Variants in HSD11B1 observed in about 807,000 individuals in gnomAD.
HSD11B1 encodes the protein 11-beta-hydroxysteroid dehydrogenase 1.
In HSD11B1, 15 loss-of-function variants were observed where a neutral mutation model predicts 22.1. The observed-to-expected ratio is 0.68, with a 90% CI of 0.45 to 1.04. The LOEUF (loss-of-function observed/expected upper bound fraction) is 1.04. HSD11B1 is among the 50% of genes least tolerant of loss of function. The pLI is 0.00. For missense variants in HSD11B1, 281 were observed against 357.6 expected (o/e 0.79, Z 1.73); for synonymous variants, 122 against 125.2 (o/e 0.97, Z 0.17).
chr1:209,686,448 G>GA (rs1389461531), intron 1 of HSD11B1, among the ~76,000 whole-genome samples: 1 of 152,036 alleles, frequency 6.6e-6, no homozygotes, highest in African/African-American at 2.4e-5. Flanking sequence ...ATGCTGGTCA[G>GA]AAAAAACAAG....
intron 4 of HSD11B1, 47 bp from the exon 5 acceptor site, chr1:209,732,389 G>C (rs932335): frequency 0.21 from 331,466 of 1,609,338 alleles, 35,158 homozygotes; most frequent in Non-Finnish European, 0.21. Context: ...CTGTAAGAAG[G>C]TGAAATGGGC....
At chr1:209,688,310 C>G (rs896076642) in intron 1 of HSD11B1, among the ~76,000 whole-genome samples, 9 of 152,192 alleles carry the variant, frequency 5.9e-5, no homozygotes, top group Admixed American at 5.9e-4. Context: ...CCAGGACCAC[C>G]TCCCAGAGCC....
intron 1 of HSD11B1, among the ~76,000 whole-genome samples, chr1:209,687,860 A>G (rs971357022): frequency 2.6e-5 from 4 of 152,236 alleles, no homozygotes; most frequent in Non-Finnish European, 4.4e-5. Context: ...TCTGTTTTAT[A>G]ACTGTTAGGA....
chr1:209,706,713 T>C lies in HSD11B1; in HGVS notation c.224T>C (p.Val75Ala). ...ARSKETLQKV[V>A]SHCLELGAAS... ...ATTTCTGCTGTATCACTGCAGGTGG[T>C]ATCCCACTGCCTGGAGCTTGGAGCA... is the stretch of plus-strand genomic sequence containing the variant. Residue 75 changes from valine (V) to alanine (A), a missense_variant, in exon 3 of 6, where the codon GTA (valine) becomes GCA (alanine). Coordinates refer to ENST00000367027, the MANE Select transcript of HSD11B1 (RefSeq NM_005525.4). This position sits in a 1 kb window ranked among gnomAD's most constrained non-coding sequence, Gnocchi z 4.0. 1 of 1,610,516 alleles carries C rather than the reference T, an allele frequency of 6.2e-7. No homozygotes were observed. The highest frequency in any genetic ancestry group is 1.1e-5 in the South Asian group (1 of 91,002).
In HSD11B1 at chr1:209,691,359, T is replaced by C. The variant is rs111902902; in HGVS notation, c.-49+5074T>C. Among the ~76,000 whole-genome samples, 208 of 152,324 alleles carry C rather than the reference T, an allele frequency of 1.4e-3. 1 individual carries two copies. Among genetic ancestry groups the C allele is most frequent in the Non-Finnish European group, 1.9e-3 (130 of 68,026 alleles). ...AAAAATGTGAAACATCACTCCTGCA[T>C]ACAAGGTCTCAAAACATTTCCTTAT... On this transcript the variant is annotated intron_variant, in intron 1 of 6. Transcript: ENST00000261465.
At chr1:209,721,609 G>A (rs1242891741) in intron 4 of HSD11B1, among the ~76,000 whole-genome samples, 1 of 152,122 alleles carries the variant, frequency 6.6e-6, no homozygotes, top group Non-Finnish European at 1.5e-5. Flanking sequence ...TCCCCCTGCA[G>A]TTCCCTTTGT....
chr1:209,706,930 C>A lies in HSD11B1; in HGVS notation c.332-13C>A. 1 of 1,612,666 alleles carries A rather than the reference C, an allele frequency of 6.2e-7. No homozygotes were observed. The highest frequency in any genetic ancestry group is 8.5e-7 in the Non-Finnish European group (1 of 1,178,684). On this transcript the variant is annotated splice_polypyrimidine_tract_variant and intron_variant, in intron 3 of 5. Coordinates refer to ENST00000367027, the MANE Select transcript of HSD11B1 (RefSeq NM_005525.4). This position sits in a 1 kb window ranked among gnomAD's most constrained non-coding sequence, Gnocchi z 4.0. ...AACCCCAGATGATTTCTTAATATAG[C>A]CATCTCTTGCAGGAGGACTAGACAT...
intron 5 of HSD11B1, 80 bp from the exon 6 acceptor site, chr1:209,734,223 TA>T: frequency 9.2e-7 from 1 of 1,089,720 alleles, no homozygotes; most frequent in Non-Finnish European, 1.4e-6. Context: ...CCCTGACAGC[TA>T]AGTGGTTGAT....
intron 4 of HSD11B1, among the ~76,000 whole-genome samples, chr1:209,726,277 A>T (rs1319444286): frequency 2.5e-3 from 1 of 400 alleles, no homozygotes; most frequent in African/African-American, 0.011. Context: ...GAGACTCCGT[A>T]AAAAAAAAAA....
chr1:209,703,492 C>A (rs1191087930), upstream of HSD11B1, among the ~76,000 whole-genome samples: 1 of 152,242 alleles, frequency 6.6e-6, no homozygotes, highest in South Asian at 2.1e-4. Context: ...TCATAGACCT[C>A]GAGCTCTGTC....
rs75093089 is a variant in HSD11B1 at position 209,726,626 on chromosome 1, G to T, written c.518-5810G>T. 5.8e-3 allele frequency among the ~76,000 whole-genome samples: 885 copies of T among 152,124 alleles called. 9 individuals carry two copies. Among genetic ancestry groups the T allele is most frequent in the African/African-American group, 0.02 (848 of 41,510 alleles). On this transcript the variant is annotated intron_variant, in intron 4 of 5. Transcript: ENST00000367027. ...AAAAAAACTTTTTTAAACCATACAA[G>T]CATCCATGTCATGAATTTTTCAGGT...
At chr1:209,696,222 G>A (rs1285258088) in intron 1 of HSD11B1, among the ~76,000 whole-genome samples, 1 of 152,172 alleles carries the variant, frequency 6.6e-6, no homozygotes, top group South Asian at 2.1e-4. Context: ...ACTGTAAATG[G>A]GCACAAGAAA....
rs1238570320 is a variant in HSD11B1 at position 209,706,865 on chromosome 1, G to T, written c.331+45G>T. On this transcript the variant is annotated intron_variant, in intron 3 of 5. Coordinates refer to ENST00000367027, the MANE Select transcript of HSD11B1 (RefSeq NM_005525.4). The surrounding 1 kb of genome is among the most constrained non-coding windows in gnomAD (Gnocchi z 4.0). ...CTCCTCCTCTGAACTTTGCCCTTGG[G>T]GTCACCAAGAGCTTTTGGGAGGAGA... The T allele has an allele frequency of 1.3e-5, 20 of 1,599,468 alleles. No homozygotes were observed. The highest frequency in any genetic ancestry group is 3.3e-5 in the South Asian group (3 of 90,730).
At chr1:209,691,679 A>T (rs1242974442) in intron 1 of HSD11B1, among the ~76,000 whole-genome samples, 1 of 152,246 alleles carries the variant, frequency 6.6e-6, no homozygotes, top group Non-Finnish European at 1.5e-5. Flanking sequence ...ATCATAGTAT[A>T]CTATATTGTT....
chr1:209,732,663 T>C (rs957261306), intron 5 of HSD11B1, 84 bp downstream of exon 5: 1 of 1,132,284 alleles, frequency 8.8e-7, no homozygotes, highest in African/African-American at 1.5e-5. Flanking sequence ...GTTTGTTACA[T>C]ATGTATGCAT....
chr1:209,693,705 C>G (rs1306196978), intron 1 of HSD11B1, among the ~76,000 whole-genome samples: 1 of 152,192 alleles, frequency 6.6e-6, no homozygotes, highest in Non-Finnish European at 1.5e-5. Context: ...CACAAATGCT[C>G]AATGCATTTG....
Position 209,734,295 on chromosome 1 carries a change from A to C in HSD11B1, c.662-9A>C, listed in dbSNP as rs1394740297. On this transcript the variant is annotated splice_polypyrimidine_tract_variant and intron_variant, in intron 5 of 5. Coordinates refer to ENST00000367027, the MANE Select transcript of HSD11B1 (RefSeq NM_005525.4). ...CAGATAACCCTACTCTTCCCTTGTC[A>C]TTCTATAGAAACAGCCATGAAGGCA... 1 of 1,609,644 alleles carries C rather than the reference A, an allele frequency of 6.2e-7. No homozygotes were observed. The highest frequency in any genetic ancestry group is 1.7e-5 in the Admixed American group (1 of 59,912).
Position 209,706,086 on chromosome 1 carries a change from T to C in HSD11B1, c.219+145T>C. 9.7e-7 allele frequency: 1 copy of C among 1,027,246 alleles called. No individual in the cohort carries two copies. The highest frequency in any genetic ancestry group is 1.5e-6 in the Non-Finnish European group (1 of 682,768). 63.6% of individuals were successfully genotyped at this position (1,027,246 alleles called of 1,614,324 possible). On this transcript the variant is annotated intron_variant, in intron 2 of 5. Coordinates refer to ENST00000367027, the MANE Select transcript of HSD11B1 (RefSeq NM_005525.4). The surrounding 1 kb of genome is among the most constrained non-coding windows in gnomAD (Gnocchi z 4.0). ...CACACAGACACTTAATTTTGCACTC[T>C]CATATATAGATTCAAACACCAAAAA...
chr1:209,692,941 T>C (rs376530555), intron 1 of HSD11B1, among the ~76,000 whole-genome samples: 1 of 152,152 alleles, frequency 6.6e-6, no homozygotes, highest in Non-Finnish European at 1.5e-5. Context: ...GTATTTTATG[T>C]GTGTGTAACT....
Sources: gnomAD v4.1 joint callset for allele counts (sites outside exome capture counted in the v4.1 genomes callset) on GRCh38, gnomAD v4.1.1 for gene constraint, Gnocchi (gnomAD v3.1) non-coding constraint, MANE v1.5 for transcripts, NCBI Gene and HGNC (gene_info 2026-07-23, HGNC 2026-07-21) for gene names.